The following UCMA variants were observed in gnomAD, a reference collection of about 807,000 sequenced individuals.
UCMA encodes the protein upper zone of growth plate and cartilage matrix associated.
Under a neutral mutation model 21.8 loss-of-function variants are expected in UCMA, and 21 were observed. That is an observed-to-expected ratio of 0.97 (90% CI 0.68 to 1.39). The LOEUF is 1.39. Among genes scored for constraint, UCMA ranks in the 40% most tolerant of loss-of-function variants. The probability of loss-of-function intolerance (pLI) is 0.00; values close to 1 mark genes in which losing one functional copy is unlikely to be tolerated. For missense variants in UCMA, 193 were observed against 178.9 expected, an observed-to-expected ratio of 1.08 and a Z score of -0.45; for synonymous variants, 76 against 67.9, an observed-to-expected ratio of 1.12 and a Z score of -0.58.
intron 4 of UCMA, 76 bp downstream of exon 4, chr10:13,229,535 G>A (rs1043330329): frequency 2.4e-5 from 31 of 1,316,368 alleles, no homozygotes; most frequent in Non-Finnish European, 3.3e-5. Context: ...AAGTTGGGTA[G>A]AAGAAGAGAA....
rs1385741013 is a variant in UCMA at position 13,233,778 on chromosome 10, T to C, written c.81A>G (p.Val27=). 1.9e-6 allele frequency: 3 copies of C among 1,613,766 alleles called. No homozygotes were observed. In the African/African-American group the frequency reaches 4.0e-5, roughly 22 times the overall value. The part of the protein sequence containing the change: ...LLSMLREGTS[V]SVGTMQMAGE... The stretch of plus-strand genomic sequence containing the variant: ...CCGCCATCTGCATGGTGCCCACAGA[T>C]ACACTGGTTCCCTCTCTCAGCACTG... Residue 27 remains valine, a synonymous_variant, in exon 2 of 5, where the codon GTA becomes GTG. Coordinates refer to ENST00000378681, the MANE Select transcript of UCMA (RefSeq NM_145314.3).
At chr10:13,225,142 C>T (rs958743367) in intron 4 of UCMA, among the ~76,000 whole-genome samples, 6 of 152,052 alleles carry the variant, frequency 3.9e-5, no homozygotes, top group Non-Finnish European at 8.8e-5. Context: ...TCACTGCAGC[C>T]TCCTGGACTC....
At chr10:13,222,239 G>A (rs1412703896) in intron 4 of UCMA, 39 bp from the exon 5 acceptor site, 4 of 1,571,634 alleles carry the variant, frequency 2.5e-6, no homozygotes, top group Non-Finnish European at 3.5e-6. Context: ...AGGACAGGGG[G>A]ACTCTGACCT....
chr10:13,227,110 C>A (rs147706201), intron 4 of UCMA, among the ~76,000 whole-genome samples: 1 of 152,000 alleles, frequency 6.6e-6, no homozygotes, highest in Non-Finnish European at 1.5e-5. Flanking sequence ...CCAGTATGTT[C>A]CTAAGAAAGT....
intron 3 of UCMA, among the ~76,000 whole-genome samples, chr10:13,230,126 A>G (rs1189615957): frequency 1.3e-5 from 2 of 152,310 alleles, no homozygotes; most frequent in Admixed American, 1.3e-4. Flanking sequence ...AAGCACTGGA[A>G]TTAAAAAGCC....
At chr10:13,230,519 G>A (rs185131226) in intron 3 of UCMA, among the ~76,000 whole-genome samples, 27 of 152,270 alleles carry the variant, frequency 1.8e-4, no homozygotes, top group African/African-American at 6.3e-4. Context: ...GGGAGGCCAC[G>A]TCTAGGGCAG....
At chr10:13,225,066 GT>G (rs1185730296) in intron 4 of UCMA, among the ~76,000 whole-genome samples, 2 of 151,778 alleles carry the variant, frequency 1.3e-5, no homozygotes, top group Non-Finnish European at 2.9e-5. Flanking sequence ...TTTTTTTGTT[GT>G]TTTTGTTTTT....
At chr10:13,227,130 C>T (rs1834832674) in intron 4 of UCMA, among the ~76,000 whole-genome samples, 1 of 152,066 alleles carries the variant, frequency 6.6e-6, no homozygotes, top group African/African-American at 2.4e-5. Context: ...TTTGATTTGC[C>T]AGGATCCAAG....
chr10:13,230,795 G>A (rs570981605), intron 3 of UCMA, among the ~76,000 whole-genome samples: 27 of 152,336 alleles, frequency 1.8e-4, no homozygotes, highest in African/African-American at 6.0e-4. Flanking sequence ...GGCGGCTCAC[G>A]CCTGTAATCC....
chr10:13,221,920 G>T lies in UCMA; in HGVS notation c.*183C>A. 2 of 626,660 alleles carry T rather than the reference G, an allele frequency of 3.2e-6. No individual in the cohort carries two copies. The highest frequency in any genetic ancestry group is 2.0e-5 in the South Asian group (1 of 51,020). 38.8% of individuals were successfully genotyped at this position (626,660 alleles called of 1,614,324 possible). A position where few individuals can be genotyped will look rare whatever the true frequency, so the allele number is the denominator to read the frequency against. On this transcript the variant is annotated 3_prime_UTR_variant, in exon 5 of 5. Transcript: ENST00000378681. ...ACCTCAGAAGATGGTCTGCAAAGAG[G>T]TGAAAGTCAGGACACTTTCACACAC...
chr10:13,223,309 C>A (rs763108268), intron 4 of UCMA, among the ~76,000 whole-genome samples: 1 of 151,730 alleles, frequency 6.6e-6, no homozygotes, highest in Admixed American at 6.6e-5. Context: ...GATACTTCTA[C>A]GTGAATGTTC....
At position 13,221,799 on chromosome 10, in the gene UCMA, C is replaced by T; in HGVS notation, c.*304G>A. 1 of 348,460 alleles carries T rather than the reference C, an allele frequency of 2.9e-6. No homozygotes were observed. Among genetic ancestry groups the T allele is most frequent in the Non-Finnish European group, 5.3e-6 (1 of 190,376 alleles). 21.6% of individuals were successfully genotyped at this position (348,460 alleles called of 1,614,324 possible). A position where few individuals can be genotyped will look rare whatever the true frequency, so the allele number is the denominator to read the frequency against. Reference sequence around the variant, plus strand: ...AGCGTTTTTATTTGTAAGCCATAAGCAAACATGTGATTCTTGACTGATTCT... The same window carrying T: ...AGCGTTTTTATTTGTAAGCCATAAGTAAACATGTGATTCTTGACTGATTCT... On this transcript the variant is annotated 3_prime_UTR_variant, in exon 5 of 5. Coordinates refer to ENST00000378681, the MANE Select transcript of UCMA (RefSeq NM_145314.3).
At chr10:13,231,119 A>T (rs997073359) in intron 3 of UCMA, among the ~76,000 whole-genome samples, 2 of 152,118 alleles carry the variant, frequency 1.3e-5, no homozygotes, top group Non-Finnish European at 2.9e-5. Flanking sequence ...TAATTAATGA[A>T]TTATATAAAT....
intron 4 of UCMA, among the ~76,000 whole-genome samples, 169 bp downstream of exon 4, chr10:13,229,442 G>A (rs1442919999): frequency 1.3e-5 from 2 of 151,844 alleles, no homozygotes; most frequent in Non-Finnish European, 2.9e-5. Flanking sequence ...GGAGGTGGAG[G>A]TTGCAGTGAG....
chr10:13,230,153 G>T (rs899079938), intron 3 of UCMA, among the ~76,000 whole-genome samples: 1 of 152,144 alleles, frequency 6.6e-6, no homozygotes, highest in African/African-American at 2.4e-5. Flanking sequence ...GAAAGATTCC[G>T]TCCTTCCAGC....
At position 13,234,367 on chromosome 10, in the gene UCMA, C is replaced by G. The variant is rs537458126; in HGVS notation, c.-109G>C. On this transcript the variant is annotated 5_prime_UTR_variant, in exon 1 of 5. Coordinates refer to ENST00000378681, the MANE Select transcript of UCMA (RefSeq NM_145314.3). ...GCAGCCCAGGCGAGAGGAAGGAAGG[C>G]GGGGGAGGGAAGAGAGAGGCAGGAG... The G allele has an allele frequency of 8.0e-5, 84 of 1,053,150 alleles. No homozygotes were observed. Among genetic ancestry groups the G allele is most frequent in the South Asian group, 3.3e-4 (16 of 48,512 alleles). The allele number at this position is 1,053,150 out of a possible 1,614,324, so 65.2% of individuals were successfully genotyped here. A position where few individuals can be genotyped will look rare whatever the true frequency, so the allele number is the denominator to read the frequency against.
chr10:13,222,476 C>T (rs988481201), intron 4 of UCMA, among the ~76,000 whole-genome samples: 2 of 152,092 alleles, frequency 1.3e-5, no homozygotes, highest in African/African-American at 2.4e-5. Flanking sequence ...TGTAGGAGGG[C>T]AGAGGCTTAT....
At chr10:13,224,759 G>C (rs1231726136) in intron 4 of UCMA, among the ~76,000 whole-genome samples, 2 of 152,224 alleles carry the variant, frequency 1.3e-5, no homozygotes, top group Non-Finnish European at 2.9e-5. Context: ...CTCAGGCCTA[G>C]TCTCACCTCG....
intron 4 of UCMA, among the ~76,000 whole-genome samples, chr10:13,229,209 T>C (rs755223765): frequency 3.3e-5 from 5 of 152,122 alleles, no homozygotes; most frequent in Non-Finnish European, 7.3e-5. Context: ...GTGCTGGGAT[T>C]ACAGGCATGA....
Sources: gnomAD v4.1 joint callset for allele counts (sites outside exome capture counted in the v4.1 genomes callset) on GRCh38, gnomAD v4.1.1 for gene constraint, MANE v1.5 for transcripts, NCBI Gene and HGNC (gene_info 2026-07-23, HGNC 2026-07-21) for gene names.